STIM2: variants seen among roughly 807,000 people sequenced by gnomAD.
The protein encoded by STIM2 is stromal interaction molecule 2.
In STIM2, 31 loss-of-function variants were observed where a neutral mutation model predicts 85.8. That is an observed-to-expected ratio of 0.36 (90% CI 0.27 to 0.49). The LOEUF (loss-of-function observed/expected upper bound fraction) is 0.49, where lower values mean the gene tolerates loss of function less well. Ranked by LOEUF, STIM2 falls within the 20% of genes least tolerant of loss-of-function variation. The pLI, the probability that STIM2 is intolerant of heterozygous loss-of-function variation, is 0.98. For missense variants in STIM2, 841 were observed against 927.6 expected (o/e 0.91, Z 1.21); for synonymous variants, 356 against 331.1 (o/e 1.08, Z -0.82).
intron 3 of STIM2, among the ~76,000 whole-genome samples, chr4:26,988,969 C>T (rs1257215553): frequency 6.6e-6 from 1 of 152,184 alleles, no homozygotes; most frequent in Non-Finnish European, 1.5e-5. Context: ...GAGTCTCACT[C>T]TGTCTCCCAG....
chr4:26,994,461 T>G (rs1419046591), intron 3 of STIM2, among the ~76,000 whole-genome samples: 2 of 152,072 alleles, frequency 1.3e-5, no homozygotes, highest in African/African-American at 2.4e-5. Flanking sequence ...ACTATCATAG[T>G]CTAAGATGAT....
chr4:26,968,742 C>T (rs998961171), intron 3 of STIM2, among the ~76,000 whole-genome samples: 2 of 152,054 alleles, frequency 1.3e-5, no homozygotes, highest in African/African-American at 4.8e-5. Context: ...AAAGTAGAAA[C>T]AGTGGGTGAC....
intron 1 of STIM2, among the ~76,000 whole-genome samples, chr4:26,912,138 G>T (rs1193089902): frequency 1.3e-5 from 2 of 152,172 alleles, no homozygotes; most frequent in Non-Finnish European, 2.9e-5. Flanking sequence ...ATTAGTGGAA[G>T]TACTAAATAC....
chr4:26,922,383 A>T (rs757242006), intron 2 of STIM2, among the ~76,000 whole-genome samples: 4 of 151,874 alleles, frequency 2.6e-5, no homozygotes, highest in Non-Finnish European at 4.4e-5. Flanking sequence ...CTCTGAGAGT[A>T]TACAGTGTTA....
chr4:26,905,268 G>A lies in STIM2; in HGVS notation c.152-14236G>A, dbSNP rs79669725. ...CATATTGAGATAAAAAGTAGTTGAC[G>A]AATTAGATTTAACCAGGTTATGGCT... On this transcript the variant is annotated intron_variant, in intron 1 of 11. Transcript: ENST00000467087. Among the ~76,000 whole-genome samples, 516 of 152,258 alleles carry A rather than the reference G, an allele frequency of 3.4e-3. 7 individuals are homozygous for A. Among genetic ancestry groups the A allele is most frequent in the African/African-American group, 0.012 (495 of 41,532 alleles).
At chr4:26,979,777 G>A (rs1727314183) in intron 3 of STIM2, among the ~76,000 whole-genome samples, 1 of 152,094 alleles carries the variant, frequency 6.6e-6, no homozygotes, top group African/African-American at 2.4e-5. Context: ...TATAGGAAAA[G>A]CAGTACTTTT....
In STIM2 at chr4:26,981,375, C is replaced by CA. The variant is rs1224224401; in HGVS notation, c.398-14002dup. ...TACCATACTTTCTTGGAGAAAATCACAAGCTACAAAGTAATGGAGAAGCTC... is the reference window on the plus strand; with the variant it reads ...TACCATACTTTCTTGGAGAAAATCACAAAGCTACAAAGTAATGGAGAAGCTC... On this transcript the variant is annotated intron_variant, in intron 3 of 11. Coordinates refer to ENST00000467087, the MANE Select transcript of STIM2 (RefSeq NM_020860.4). Among the ~76,000 whole-genome samples the CA allele has an allele frequency of 6.6e-5, 10 of 152,190 alleles. 1 individual carries two copies. The highest frequency in any genetic ancestry group is 4.4e-5 in the Non-Finnish European group (3 of 68,026).
chr4:26,934,647 C>T (rs1343605572), intron 2 of STIM2, among the ~76,000 whole-genome samples: 2 of 152,168 alleles, frequency 1.3e-5, no homozygotes, highest in African/African-American at 4.8e-5. Flanking sequence ...GGCGCGGTGG[C>T]TCATGCCTGC....
intron 1 of STIM2, among the ~76,000 whole-genome samples, chr4:26,896,985 A>G (rs1169358752): frequency 1.3e-5 from 2 of 152,226 alleles, no homozygotes; most frequent in African/African-American, 2.4e-5. Flanking sequence ...TTCATTCAGC[A>G]TAATACTCTT....
At chr4:26,970,211 ATATATATATATG>A (rs1218537773) in intron 3 of STIM2, among the ~76,000 whole-genome samples, 298 of 10,272 alleles carry the variant, frequency 0.029, 1 homozygote, top group African/African-American at 0.068. Context: ...ATATATATAT[ATATATATATATG>A]TATATATATA....
At chr4:26,936,258 A>G (rs543409074) in intron 2 of STIM2, among the ~76,000 whole-genome samples, 7 of 152,330 alleles carry the variant, frequency 4.6e-5, no homozygotes, top group African/African-American at 1.7e-4. Context: ...CCTGACAATT[A>G]TAGTAACCTA....
chr4:26,867,847 G>A (rs999939817), intron 1 of STIM2, among the ~76,000 whole-genome samples: 9 of 152,128 alleles, frequency 5.9e-5, no homozygotes, highest in Non-Finnish European at 8.8e-5. Flanking sequence ...TTTAAGGGTG[G>A]TTCCCTCTTA....
chr4:26,949,858 G>A (rs1229946826), intron 2 of STIM2, among the ~76,000 whole-genome samples: 7 of 151,796 alleles, frequency 4.6e-5, no homozygotes, highest in African/African-American at 1.7e-4. Context: ...CATTCTTTAT[G>A]TTCATAAAAT....
At chr4:27,004,932 A>G (rs922538154) in intron 7 of STIM2, among the ~76,000 whole-genome samples, 2 of 152,188 alleles carry the variant, frequency 1.3e-5, no homozygotes, top group Non-Finnish European at 2.9e-5. Flanking sequence ...ACACATAGGT[A>G]TTATCTTCAT....
rs149028428 is a variant in STIM2 at position 27,015,442 on chromosome 4, TC to T, written c.1490-2268del. 1.6e-3 allele frequency among the ~76,000 whole-genome samples: 245 copies of T among 151,966 alleles called. 6 individuals carry two copies. The East Asian group carries it at 0.04, about 25-fold the overall frequency. Reference sequence around the variant, plus strand: ...CATTGCATTTTGCTTGTTATTCATTTCTTTTTTTTCTTTCTTAAAAATATGT... The same window carrying T: ...CATTGCATTTTGCTTGTTATTCATTTTTTTTTTTCTTTCTTAAAAATATGT... On this transcript the variant is annotated intron_variant, in intron 10 of 11. Coordinates refer to ENST00000467087, the MANE Select transcript of STIM2 (RefSeq NM_020860.4).
At chr4:26,869,952 T>C (rs1288386892) in intron 1 of STIM2, among the ~76,000 whole-genome samples, 3 of 151,970 alleles carry the variant, frequency 2.0e-5, no homozygotes, top group Non-Finnish European at 4.4e-5. Flanking sequence ...CATACGCACT[T>C]GCACCATGAA....
chr4:26,954,913 A>G (rs1357059109), intron 2 of STIM2, among the ~76,000 whole-genome samples: 2 of 147,534 alleles, frequency 1.4e-5, no homozygotes, highest in South Asian at 2.1e-4. Flanking sequence ...AAACAGAAGT[A>G]TTTTTAGATG....
chr4:26,942,753 T>C (rs6448486), intron 2 of STIM2, among the ~76,000 whole-genome samples: 131,898 of 152,108 alleles, frequency 0.87, 57,710 homozygotes, highest in Middle Eastern at 0.98. Context: ...TTTTCAGTTT[T>C]TTTGCTGGTT....
chr4:26,950,745 T>G (rs1007172258), intron 2 of STIM2, among the ~76,000 whole-genome samples: 4 of 152,158 alleles, frequency 2.6e-5, no homozygotes, highest in Non-Finnish European at 5.9e-5. Context: ...AAGACAAAGG[T>G]GTTTTTTGAT....
Sources: allele counts gnomAD v4.1 joint callset (sites outside exome capture counted in the v4.1 genomes callset), GRCh38; gene constraint gnomAD v4.1.1; transcripts MANE v1.5; gene names NCBI Gene and HGNC (gene_info 2026-07-23, HGNC 2026-07-21).